The following AKAP7 variants were observed in gnomAD, a reference collection of about 807,000 sequenced individuals.
The protein encoded by AKAP7 is A-kinase anchoring protein 7.
AKAP7 carries 39 observed loss-of-function variants against 39.5 expected under a neutral mutation model. The observed-to-expected ratio is 0.99, with a 90% confidence interval of 0.76 to 1.29. The LOEUF (loss-of-function observed/expected upper bound fraction) is 1.29. AKAP7 is among the 50% of genes most tolerant of loss of function. The probability of loss-of-function intolerance (pLI) is 0.00; values close to 1 mark genes in which losing one functional copy is unlikely to be tolerated. For synonymous variants in AKAP7, 140 were observed against 139.1 expected (o/e 1.01, Z -0.05); for missense variants, 414 against 407.7 (o/e 1.02, Z -0.13).
chr6:131,151,859 A>G (rs965967495), intron 2 of AKAP7, among the ~76,000 whole-genome samples: 8 of 152,268 alleles, frequency 5.3e-5, no homozygotes, highest in African/African-American at 1.9e-4. Context: ...AAAAAATAAA[A>G]TATCAAAACA....
intron 7 of AKAP7, among the ~76,000 whole-genome samples, chr6:131,227,428 G>C (rs1270351765): frequency 1.3e-5 from 2 of 152,202 alleles, no homozygotes; most frequent in Non-Finnish European, 2.9e-5. Flanking sequence ...CACTGAGGCA[G>C]TGAATGTGTA....
chr6:131,209,229 G>T (rs1808418802), intron 6 of AKAP7, among the ~76,000 whole-genome samples: 1 of 151,652 alleles, frequency 6.6e-6, no homozygotes, highest in South Asian at 2.1e-4. Flanking sequence ...TCCAGCAGTT[G>T]CATCTACAGA....
intron 7 of AKAP7, among the ~76,000 whole-genome samples, chr6:131,222,038 G>A (rs1348636892): frequency 6.6e-6 from 1 of 152,192 alleles, no homozygotes; most frequent in African/African-American, 2.4e-5. Context: ...ATAGATATGA[G>A]CAAAGCAAAT....
At chr6:131,247,920 G>C (rs1812168514) in intron 7 of AKAP7, among the ~76,000 whole-genome samples, 2 of 152,196 alleles carry the variant, frequency 1.3e-5, no homozygotes, top group Non-Finnish European at 2.9e-5. Context: ...ATGAGCCATG[G>C]TGCCTGTCCC....
At chr6:131,182,433 T>C (rs1217343831) in intron 5 of AKAP7, among the ~76,000 whole-genome samples, 1 of 152,248 alleles carries the variant, frequency 6.6e-6, no homozygotes, top group African/African-American at 2.4e-5. Flanking sequence ...TGATTTCACT[T>C]AACATAACGT....
At chr6:131,277,964 A>G (rs1193465221) in intron 7 of AKAP7, among the ~76,000 whole-genome samples, 1 of 152,220 alleles carries the variant, frequency 6.6e-6, no homozygotes, top group Non-Finnish European at 1.5e-5. Context: ...GATTTTTCAC[A>G]TGGATATTTA....
At chr6:131,220,767 A>G (rs1241334129) in intron 7 of AKAP7, among the ~76,000 whole-genome samples, 1 of 152,182 alleles carries the variant, frequency 6.6e-6, no homozygotes, top group East Asian at 1.9e-4. Context: ...TAATTCTCAC[A>G]GTATTTTAGA....
At chr6:131,134,069 T>C (rs1800390641), upstream of AKAP7, among the ~76,000 whole-genome samples, 1 of 152,170 alleles carries the variant, frequency 6.6e-6, no homozygotes, top group Non-Finnish European at 1.5e-5. Context: ...CCTCCTGGGC[T>C]CCAGCGATCC....
rs117279645 is a variant in AKAP7, at chr6:131,256,486, A to G, written c.851-25044A>G. ...GGATTCTACCATCAAATGTTGAATA[A>G]TTTCCATGAGGAATAGCAAGGTTGT... is the stretch of plus-strand genomic sequence containing the variant. On this transcript the variant is annotated intron_variant, in intron 7 of 7. Transcript: ENST00000431975. Among the ~76,000 whole-genome samples the G allele has an allele frequency of 4.6e-3, 693 of 152,186 alleles. 5 individuals are homozygous for G. The highest frequency in any genetic ancestry group is 7.5e-3 in the Non-Finnish European group (510 of 68,004).
chr6:131,162,183 A>AGGT (rs1379149177), intron 3 of AKAP7, among the ~76,000 whole-genome samples: 1 of 152,178 alleles, frequency 6.6e-6, no homozygotes, highest in East Asian at 1.9e-4. Context: ...GGGATAGGGA[A>AGGT]GGTGGGGAAG....
the AKAP7 span, among the ~76,000 whole-genome samples, chr6:131,129,408 C>T: frequency 6.6e-6 from 1 of 151,872 alleles, no homozygotes; most frequent in Non-Finnish European, 1.5e-5. Context: ...CATAATGTGA[C>T]ATGATTTCAT....
intron 7 of AKAP7, among the ~76,000 whole-genome samples, chr6:131,239,772 A>G (rs1811372715): frequency 6.6e-6 from 1 of 151,716 alleles, no homozygotes; most frequent in African/African-American, 2.4e-5. Flanking sequence ...TCCTTTAAGG[A>G]CTTCTCTGCA....
intron 5 of AKAP7, among the ~76,000 whole-genome samples, chr6:131,187,710 A>G (rs983145638): frequency 6.6e-6 from 1 of 152,208 alleles, no homozygotes; most frequent in Non-Finnish European, 1.5e-5. Flanking sequence ...ACATAAAGCA[A>G]TGAAAAAAAA....
intron 2 of AKAP7, among the ~76,000 whole-genome samples, chr6:131,157,889 G>A (rs188523694): frequency 6.6e-6 from 1 of 152,248 alleles, no homozygotes; most frequent in Admixed American, 6.5e-5. Flanking sequence ...AGATAAGTTT[G>A]CCTTAATTCA....
chr6:131,252,212 G>A lies in AKAP7; in HGVS notation c.851-29318G>A, dbSNP rs575632377. Among the ~76,000 whole-genome samples, 46 of 152,328 alleles carry A rather than the reference G, an allele frequency of 3.0e-4. 1 individual carries two copies. In the South Asian group the frequency reaches 8.1e-3, roughly 27 times the overall value. On this transcript the variant is annotated intron_variant, in intron 7 of 7. Transcript: ENST00000431975. ...GCTTCCTAATATTGATGGACAGGAA[G>A]TAATATGTACTGCTTTTGGGGCTTA...
At chr6:131,166,312 A>G (rs1250101944) in intron 4 of AKAP7, among the ~76,000 whole-genome samples, 1 of 152,176 alleles carries the variant, frequency 6.6e-6, no homozygotes, top group Non-Finnish European at 1.5e-5. Context: ...ATCCAAAGAG[A>G]ATCCAAAGAA....
chr6:131,156,109 G>A (rs1802393156), intron 2 of AKAP7, among the ~76,000 whole-genome samples: 1 of 152,124 alleles, frequency 6.6e-6, no homozygotes, highest in Admixed American at 6.5e-5. Context: ...TTTCTCAACT[G>A]CTGTTTTCCC....
At chr6:131,202,899 A>G (rs1247643307) in intron 6 of AKAP7, among the ~76,000 whole-genome samples, 2 of 152,162 alleles carry the variant, frequency 1.3e-5, no homozygotes, top group African/African-American at 4.8e-5. Context: ...CTGAAAGTTT[A>G]AGGAAGTAGA....
chr6:131,179,073 T>C (rs1804858106), intron 5 of AKAP7, among the ~76,000 whole-genome samples: 1 of 152,138 alleles, frequency 6.6e-6, no homozygotes, highest in African/African-American at 2.4e-5. Context: ...CCACTGTGAG[T>C]AGAGTATTTT....
Sources: allele counts gnomAD v4.1 joint callset (sites outside exome capture counted in the v4.1 genomes callset), GRCh38; gene constraint gnomAD v4.1.1; transcripts MANE v1.5; gene names NCBI Gene and HGNC (gene_info 2026-07-23, HGNC 2026-07-21).